GLIS3: variants seen among roughly 807,000 people sequenced by gnomAD.
The protein encoded by GLIS3 is zinc finger protein GLIS3.
A neutral mutation model predicts 78.6 loss-of-function variants in GLIS3; 53 were observed. The observed-to-expected ratio is 0.67, with a 90% CI of 0.54 to 0.85. The LOEUF is 0.85. Among genes scored for constraint, GLIS3 ranks in the 40% least tolerant of loss-of-function variants. The pLI, the probability that GLIS3 is intolerant of heterozygous loss-of-function variation, is 0.00. For missense variants in GLIS3, 1,703 were observed against 1,231.1 expected (o/e 1.38, Z -5.74); for synonymous variants, 684 against 509.9 (o/e 1.34, Z -4.60).
chr9:4,298,130 C>T (rs1000076431), intron 1 of GLIS3, among the ~76,000 whole-genome samples: 13 of 152,084 alleles, frequency 8.5e-5, no homozygotes, highest in African/African-American at 1.9e-4. Context: ...GAGTCGGGGG[C>T]CGAAAGGGTG....
Position 4,063,846 on chromosome 9 carries a change from T to C in GLIS3, c.1710+53922A>G, listed in dbSNP as rs149124348. On this transcript the variant is annotated intron_variant, in intron 4 of 10. Coordinates refer to ENST00000381971, the MANE Select transcript of GLIS3 (RefSeq NM_001042413.2). The stretch of plus-strand genomic sequence containing the variant: ...AACTAATTAAAAAGTGAAGGTATAA[T>C]GGGATCTCATCTCATTCAGTGTACG... 2.9e-3 allele frequency among the ~76,000 whole-genome samples: 437 copies of C among 152,302 alleles called. 2 individuals are homozygous for C. The highest frequency in any genetic ancestry group is 0.01 in the African/African-American group (423 of 41,566).
chr9:3,909,173 C>T (rs1359560200), intron 6 of GLIS3, among the ~76,000 whole-genome samples: 4 of 152,244 alleles, frequency 2.6e-5, no homozygotes, highest in African/African-American at 9.6e-5. Context: ...AGAACATTCT[C>T]ATCAAGTGTT....
At chr9:4,468,956 T>C in the GLIS3 span, among the ~76,000 whole-genome samples, 183 of 151,944 alleles carry the variant, frequency 1.2e-3, 2 homozygotes, top group African/African-American at 4.3e-3. Flanking sequence ...ACCAAGCAAA[T>C]GGAAAGCAAA....
intron 4 of GLIS3, among the ~76,000 whole-genome samples, chr9:4,042,499 G>A (rs561830607): frequency 6.6e-6 from 1 of 152,194 alleles, no homozygotes; most frequent in East Asian, 1.9e-4. Flanking sequence ...TTTATTTTGC[G>A]TAAAGAATGA....
At chr9:4,311,628 T>C (rs959898889) in intron 2 of GLIS3, among the ~76,000 whole-genome samples, 2 of 152,046 alleles carry the variant, frequency 1.3e-5, no homozygotes, top group African/African-American at 4.8e-5. Context: ...ACTTCCACCA[T>C]CTGTCTTCCC....
intron 4 of GLIS3, among the ~76,000 whole-genome samples, chr9:4,106,582 C>G (rs1323570248): frequency 6.6e-6 from 1 of 152,164 alleles, no homozygotes; most frequent in African/African-American, 2.4e-5. Context: ...TCCATAGAGG[C>G]ACATTGTCAT....
At chr9:4,113,997 A>C (rs1252573530) in intron 4 of GLIS3, among the ~76,000 whole-genome samples, 1 of 144,524 alleles carries the variant, frequency 6.9e-6, no homozygotes, top group African/African-American at 2.6e-5. Flanking sequence ...TCCAGGAAAA[A>C]TAAACAAAAT....
chr9:4,304,304 G>C (rs979047407), upstream of GLIS3, among the ~76,000 whole-genome samples: 2 of 152,152 alleles, frequency 1.3e-5, no homozygotes, highest in Admixed American at 1.3e-4. Context: ...GTGTGAAGGA[G>C]GCAGGAATAA....
At chr9:4,308,329 G>A (rs1817281184) in intron 4 of GLIS3, among the ~76,000 whole-genome samples, 1 of 152,100 alleles carries the variant, frequency 6.6e-6, no homozygotes, top group Admixed American at 6.5e-5. Flanking sequence ...GGATAAAGGG[G>A]TTACCAGAGG....
chr9:4,224,014 C>G (rs1018705502), intron 2 of GLIS3, among the ~76,000 whole-genome samples: 3 of 151,162 alleles, frequency 2.0e-5, no homozygotes. Context: ...AAAAAAAAAA[C>G]CCCACCAGAG....
intron 2 of GLIS3, among the ~76,000 whole-genome samples, chr9:4,171,270 C>T (rs1048810735): frequency 6.6e-6 from 1 of 152,158 alleles, no homozygotes; most frequent in African/African-American, 2.4e-5. Context: ...TATTCACTAA[C>T]AGAGAATCTA....
the GLIS3 span, among the ~76,000 whole-genome samples, chr9:4,479,873 C>T: frequency 6.7e-6 from 1 of 148,974 alleles, no homozygotes; most frequent in Non-Finnish European, 1.5e-5. Flanking sequence ...TTCTTCCCAT[C>T]ATTCTCTTGA....
chr9:4,471,735 C>G, the GLIS3 span, among the ~76,000 whole-genome samples: 1 of 152,146 alleles, frequency 6.6e-6, no homozygotes, highest in Non-Finnish European at 1.5e-5. Context: ...GCAATGGCAA[C>G]AAAAGCCAAA....
At chr9:4,348,196 A>G (rs367746834) in intron 1 of GLIS3, 21 of 152,236 alleles carry the variant, frequency 1.4e-4, no homozygotes, top group African/African-American at 4.6e-4. Flanking sequence ...ATGTAAGAGA[A>G]CATTTAAATA....
At chr9:3,998,498 T>C (rs1486650328) in intron 4 of GLIS3, among the ~76,000 whole-genome samples, 1 of 151,950 alleles carries the variant, frequency 6.6e-6, no homozygotes, top group African/African-American at 2.4e-5. Flanking sequence ...TATTTATTTT[T>C]AATAATTACA....
chr9:4,089,921 G>A (rs373071177), intron 4 of GLIS3, among the ~76,000 whole-genome samples: 2 of 152,212 alleles, frequency 1.3e-5, no homozygotes, highest in Non-Finnish European at 2.9e-5. Flanking sequence ...ATAAAGAGGA[G>A]TATTTATTTT....
upstream of GLIS3, among the ~76,000 whole-genome samples, chr9:4,303,732 CT>C (rs1817154042): frequency 6.6e-6 from 1 of 152,088 alleles, no homozygotes; most frequent in African/African-American, 2.4e-5. Context: ...ATGTTTCTTC[CT>C]TTTTTATACA....
Position 4,129,706 on chromosome 9 carries a change from T to A in GLIS3, c.389-3765A>T, listed in dbSNP as rs115482768. Among the ~76,000 whole-genome samples, 167 of 152,284 alleles carry A rather than the reference T, an allele frequency of 1.1e-3. 1 individual carries two copies. The highest frequency in any genetic ancestry group is 3.8e-3 in the African/African-American group (159 of 41,556). On this transcript the variant is annotated intron_variant, in intron 2 of 10. Transcript: ENST00000381971. ...AATTAAATCACTTTTCTTTATAAAT[T>A]AGCCAGGCTCGGGTATTTCTTTATA...
chr9:3,864,223 G>A (rs576546725), intron 8 of GLIS3, among the ~76,000 whole-genome samples: 2 of 152,274 alleles, frequency 1.3e-5, no homozygotes, highest in African/African-American at 2.4e-5. Flanking sequence ...TCATAGTCCT[G>A]TAGCAAAGGC....
Sources: allele counts gnomAD v4.1 joint callset (sites outside exome capture counted in the v4.1 genomes callset), GRCh38; gene constraint gnomAD v4.1.1; transcripts MANE v1.5; gene names NCBI Gene and HGNC (gene_info 2026-07-23, HGNC 2026-07-21).